MUSK: variants seen among roughly 807,000 people sequenced by gnomAD.
The protein encoded by MUSK is muscle associated receptor tyrosine kinase.
Under a neutral mutation model 88.7 loss-of-function variants are expected in MUSK, and 55 were observed. The observed-to-expected ratio is 0.62, with a 90% CI of 0.50 to 0.78. The LOEUF (loss-of-function observed/expected upper bound fraction) is 0.78, where lower values mean the gene tolerates loss of function less well. Ranked by LOEUF, MUSK falls within the 30% of genes least tolerant of loss-of-function variation. The pLI is 0.00. For missense variants in MUSK, 1,015 were observed against 1,074.3 expected, an observed-to-expected ratio of 0.94 and a Z score of 0.77; for synonymous variants, 387 against 391.9, an observed-to-expected ratio of 0.99 and a Z score of 0.15.
chr9:110,769,097 G>GA (rs2077528428), intron 9 of MUSK, among the ~76,000 whole-genome samples: 1 of 152,036 alleles, frequency 6.6e-6, no homozygotes, highest in African/African-American at 2.4e-5. Flanking sequence ...AGGATTAAAG[G>GA]AAAAATCACA....
At chr9:110,783,627 A>G (rs1358754871) in intron 11 of MUSK, among the ~76,000 whole-genome samples, 4 of 151,962 alleles carry the variant, frequency 2.6e-5, no homozygotes, top group Admixed American at 2.6e-4. Flanking sequence ...TATAAAACCA[A>G]CTATTGATCT....
rs746369227 is a variant in MUSK, at chr9:110,800,326, C to A, written c.1948C>A (p.Pro650Thr). The A allele has an allele frequency of 1.9e-6, 3 of 1,609,978 alleles. No homozygotes were observed. Among genetic ancestry groups the A allele is most frequent in the Non-Finnish European group, 2.5e-6 (3 of 1,176,880 alleles). Residue 650 changes from proline (P) to threonine (T), a missense_variant, in exon 15 of 15, where the codon CCA becomes ACA. Pro to Thr is a conservative substitution (Grantham distance 38). Transcript: ENST00000374448. ...KLLGVCAVGK[P>T]MCLLFEYMAY... ...TCCAGGAGTGTGTGCTGTCGGGAAG[C>A]CAATGTGCCTGCTCTTTGAATACAT...
chr9:110,759,889 A>T (rs2077374017), intron 7 of MUSK, among the ~76,000 whole-genome samples: 2 of 152,158 alleles, frequency 1.3e-5, no homozygotes, highest in African/African-American at 4.8e-5. Context: ...TCCAAAAGTT[A>T]GCCAGGTGTG....
chr9:110,719,549 A>AAT (rs1422546106), intron 5 of MUSK, among the ~76,000 whole-genome samples: 1 of 152,088 alleles, frequency 6.6e-6, no homozygotes, highest in Admixed American at 6.6e-5. Context: ...CACAATCCTA[A>AAT]ATATATATAC....
intron 5 of MUSK, 117 bp downstream of exon 5, chr9:110,697,583 T>A (rs918672918): frequency 9.2e-7 from 1 of 1,087,540 alleles, no homozygotes; most frequent in Non-Finnish European, 1.2e-6. Context: ...CCTCAGTTGT[T>A]CCAGATATTA....
chr9:110,770,179 C>T (rs973897459), intron 9 of MUSK, among the ~76,000 whole-genome samples: 3 of 150,776 alleles, frequency 2.0e-5, no homozygotes, highest in African/African-American at 2.4e-5. Flanking sequence ...CGCAGGTTTT[C>T]ATCTTTTAAA....
chr9:110,678,679 C>T (rs778495571), intron 1 of MUSK, among the ~76,000 whole-genome samples: 6 of 152,018 alleles, frequency 3.9e-5, no homozygotes, highest in Non-Finnish European at 5.9e-5. Flanking sequence ...TACTGTTTAG[C>T]TCTGTTGAAT....
chr9:110,728,771 T>A, intron 5 of MUSK: 2 of 1,425,984 alleles, frequency 1.4e-6, no homozygotes, highest in Non-Finnish European at 1.9e-6. Context: ...CTCTTTTCAA[T>A]TGTTTATTTT....
At chr9:110,761,038 A>C (rs567795790) in intron 7 of MUSK, among the ~76,000 whole-genome samples, 1 of 152,218 alleles carries the variant, frequency 6.6e-6, no homozygotes. Flanking sequence ...TTTACTGTTT[A>C]TTTTCGTAAT....
At chr9:110,686,406 T>C (rs1266784069) in intron 2 of MUSK, among the ~76,000 whole-genome samples, 1 of 152,130 alleles carries the variant, frequency 6.6e-6, no homozygotes, top group Non-Finnish European at 1.5e-5. Flanking sequence ...AGAACCTCTG[T>C]GGGAGTGTTA....
chr9:110,700,974 G>T (rs2076493652), intron 5 of MUSK, among the ~76,000 whole-genome samples: 1 of 152,226 alleles, frequency 6.6e-6, no homozygotes, highest in Non-Finnish European at 1.5e-5. Flanking sequence ...AAAGAGAAGA[G>T]GGAAGTTTTC....
intron 5 of MUSK, among the ~76,000 whole-genome samples, chr9:110,724,650 T>C (rs1433294000): frequency 6.6e-6 from 1 of 152,034 alleles, no homozygotes; most frequent in Non-Finnish European, 1.5e-5. Context: ...AGTGACTACT[T>C]ATCTGTTGTG....
rs73655634 is a variant in MUSK at position 110,791,079 on chromosome 9, C to A, written c.1927+3241C>A. Among the ~76,000 whole-genome samples the A allele has an allele frequency of 4.0e-3, 605 of 151,112 alleles. 4 individuals carry two copies. The highest frequency in any genetic ancestry group is 0.014 in the African/African-American group (581 of 41,296). ...AGGGATCATTAAAAGGGGGTAGGAT[C>A]AATAGATTAAAAGTTTCAGGGGGAG... is the stretch of plus-strand genomic sequence containing the variant. On this transcript the variant is annotated intron_variant, in intron 14 of 14. Transcript: ENST00000374448.
chr9:110,801,904 T>C lies in MUSK; in HGVS notation c.*916T>C, dbSNP rs2132071941. Among the ~76,000 whole-genome samples the C allele has an allele frequency of 6.6e-6, 1 of 152,336 alleles. No homozygotes were observed. The highest frequency in any genetic ancestry group is 2.4e-5 in the African/African-American group (1 of 41,590). On this transcript the variant is annotated 3_prime_UTR_variant, in exon 15 of 15. Transcript: ENST00000374448. ...CTGGCAGAAATAATAACATTTTAAA[T>C]ACCATTGTAGATTGATATGTATATG...
In MUSK at chr9:110,800,489, G is replaced by A. The variant is rs577931355; in HGVS notation, c.2111G>A (p.Cys704Tyr). The A allele has an allele frequency of 1.4e-5, 23 of 1,613,826 alleles. No homozygotes were observed. In the East Asian group the frequency reaches 4.7e-4, roughly 33 times the overall value. ...CCCCTCTCCTGTGCTGAGCAGCTTT[G>A]CATTGCCAGGCAGGTGGCAGCTGGC... The part of the protein sequence containing the change: ...PPPLSCAEQL[C>Y]IARQVAAGMA... Residue 704 changes from cysteine to tyrosine, a missense_variant, in exon 15 of 15, where the codon TGC becomes TAC. Transcript: ENST00000374448.
In MUSK at chr9:110,805,518, T is replaced by C. The variant is rs2078149999; in HGVS notation, c.*4530T>C. On this transcript the variant is annotated 3_prime_UTR_variant, in exon 15 of 15. Transcript: ENST00000374448. ...TATTTTTCTACTGGGTATATCTTTT[T>C]CTTGTTGCTTTGTAAGAGCACTTTA... 6.6e-6 allele frequency among the ~76,000 whole-genome samples: 1 copy of C among 152,042 alleles called. No individual in the cohort carries two copies. The highest frequency in any genetic ancestry group is 2.1e-4 in the South Asian group (1 of 4,834).
At chr9:110,669,092 TG>T (rs2075924802) in intron 1 of MUSK, 109 bp downstream of exon 1, 1 of 992,518 alleles carries the variant, frequency 1.0e-6, no homozygotes, top group African/African-American at 1.6e-5. Flanking sequence ...GGGTTTTACT[TG>T]AAGAAGTAAG....
chr9:110,685,638 A>G (rs745793655), intron 2 of MUSK, among the ~76,000 whole-genome samples: 1 of 152,086 alleles, frequency 6.6e-6, no homozygotes, highest in East Asian at 1.9e-4. Context: ...TTCTTTTCCC[A>G]GTAGCATGCT....
At chr9:110,701,704 A>T (rs1374727836) in intron 5 of MUSK, among the ~76,000 whole-genome samples, 2 of 80 alleles carry the variant, frequency 0.025, no homozygotes, top group Non-Finnish European at 0.034. Flanking sequence ...ATTTTATTTT[A>T]TTTTATTTTA....
Sources: allele counts gnomAD v4.1 joint callset (sites outside exome capture counted in the v4.1 genomes callset), GRCh38; gene constraint gnomAD v4.1.1; transcripts MANE v1.5; gene names NCBI Gene and HGNC (gene_info 2026-07-23, HGNC 2026-07-21).